The following SLC24A2 variants were observed in gnomAD, a reference collection of about 807,000 sequenced individuals.
SLC24A2 encodes the protein solute carrier family 24 member 2, also known as sodium/potassium/calcium exchanger 2.
Under a neutral mutation model 62.0 loss-of-function variants are expected in SLC24A2, and 36 were observed. The observed-to-expected ratio is 0.58, with a 90% CI of 0.44 to 0.77. The LOEUF (loss-of-function observed/expected upper bound fraction) is 0.77, where lower values mean the gene tolerates loss of function less well. Among genes scored for constraint, SLC24A2 ranks in the 30% least tolerant of loss-of-function variants. The probability of loss-of-function intolerance (pLI) is 0.00; values close to 1 mark genes in which losing one functional copy is unlikely to be tolerated. For synonymous variants in SLC24A2, 358 were observed against 294.0 expected, an observed-to-expected ratio of 1.22 and a Z score of -2.23; for missense variants, 846 against 817.9, an observed-to-expected ratio of 1.03 and a Z score of -0.42.
the SLC24A2 span, among the ~76,000 whole-genome samples, chr9:19,913,864 C>A: frequency 2.0e-5 from 3 of 151,928 alleles, no homozygotes; most frequent in Non-Finnish European, 4.4e-5. Context: ...TCAATCCATA[C>A]TTAATTCTTT....
the SLC24A2 span, among the ~76,000 whole-genome samples, chr9:20,061,907 G>C: frequency 2.2e-4 from 33 of 152,164 alleles, no homozygotes; most frequent in Non-Finnish European, 3.1e-4. Context: ...CCACGGAGTG[G>C]ATGAAAATAT....
chr9:20,243,934 G>T, the SLC24A2 span, among the ~76,000 whole-genome samples: 2 of 151,858 alleles, frequency 1.3e-5, no homozygotes, highest in African/African-American at 4.8e-5. Context: ...ATAGAAGGAG[G>T]GACCTCGAGA....
the SLC24A2 span, among the ~76,000 whole-genome samples, chr9:20,081,060 G>A: frequency 2.0e-5 from 3 of 152,244 alleles, no homozygotes; most frequent in African/African-American, 7.2e-5. Flanking sequence ...CATTGTGGAA[G>A]TCAGTGTGGC....
the SLC24A2 span, among the ~76,000 whole-genome samples, chr9:20,213,869 T>C: frequency 6.6e-6 from 1 of 152,196 alleles, no homozygotes; most frequent in Admixed American, 6.5e-5. Flanking sequence ...ACATACAACA[T>C]TGTAAGATAG....
the SLC24A2 span, among the ~76,000 whole-genome samples, chr9:19,815,510 C>A: frequency 1.3e-5 from 2 of 152,042 alleles, no homozygotes; most frequent in Admixed American, 6.6e-5. Context: ...TGCTCATATC[C>A]TTTTTTTCCT....
chr9:20,124,233 G>T, the SLC24A2 span, among the ~76,000 whole-genome samples: 1 of 151,910 alleles, frequency 6.6e-6, no homozygotes, highest in Non-Finnish European at 1.5e-5. Flanking sequence ...TAGACAGGAG[G>T]ATATGGTGTT....
the SLC24A2 span, among the ~76,000 whole-genome samples, chr9:20,275,167 G>A: frequency 6.6e-6 from 1 of 152,174 alleles, no homozygotes; most frequent in Admixed American, 6.5e-5. Context: ...GGGGCCTGAA[G>A]CTAAAAGTAA....
At chr9:19,564,549 TGTCTATCA>T (rs887494270) in intron 7 of SLC24A2, among the ~76,000 whole-genome samples, 6 of 65,536 alleles carry the variant, frequency 9.2e-5, no homozygotes, top group Non-Finnish European at 2.0e-4. Flanking sequence ...TGTATCTATC[TGTCTATCA>T]ATCAATCACA....
At chr9:19,618,909 G>A (rs761851122) in intron 4 of SLC24A2, among the ~76,000 whole-genome samples, 2 of 152,204 alleles carry the variant, frequency 1.3e-5, no homozygotes, top group African/African-American at 2.4e-5. Context: ...TTATGCAGCT[G>A]AAGAAACACA....
rs146406899 is a variant in SLC24A2, at chr9:19,773,578, C to T, written c.930+12359G>A. On this transcript the variant is annotated intron_variant, in intron 2 of 10. Coordinates refer to ENST00000341998, the MANE Select transcript of SLC24A2 (RefSeq NM_020344.4). The stretch of plus-strand genomic sequence containing the variant: ...ATTTTATGACTGATTCAGGCTCAGA[C>T]TTTTTATCATGAACACTCATCATCA... 1.1e-3 allele frequency among the ~76,000 whole-genome samples: 172 copies of T among 152,264 alleles called. 3 individuals are homozygous for T. The East Asian group carries it at 0.031, about 27-fold the overall frequency.
the SLC24A2 span, among the ~76,000 whole-genome samples, chr9:19,959,922 A>G: frequency 3.3e-5 from 5 of 152,246 alleles, no homozygotes; most frequent in African/African-American, 1.2e-4. Flanking sequence ...AAAAGTTTAT[A>G]CACCTAGTAA....
chr9:19,579,841 C>T (rs1027756474), intron 5 of SLC24A2, among the ~76,000 whole-genome samples: 1 of 152,000 alleles, frequency 6.6e-6, no homozygotes, highest in African/African-American at 2.4e-5. Flanking sequence ...TAAAAGGGAC[C>T]CAAAAGCCTG....
At chr9:19,584,690 G>A (rs925231778) in intron 5 of SLC24A2, among the ~76,000 whole-genome samples, 2 of 151,858 alleles carry the variant, frequency 1.3e-5, no homozygotes, top group African/African-American at 2.4e-5. Context: ...AGTTACATAT[G>A]TATACATGTG....
At chr9:20,274,481 G>C in the SLC24A2 span, among the ~76,000 whole-genome samples, 1 of 152,140 alleles carries the variant, frequency 6.6e-6, no homozygotes, top group African/African-American at 2.4e-5. Context: ...GCTGGATTGA[G>C]AATTAACTTT....
At chr9:20,113,768 C>T in the SLC24A2 span, among the ~76,000 whole-genome samples, 1 of 152,116 alleles carries the variant, frequency 6.6e-6, no homozygotes, top group Non-Finnish European at 1.5e-5. Flanking sequence ...AACTATAATG[C>T]TTTGATGAAT....
At chr9:19,716,262 T>C (rs1455296657) in intron 2 of SLC24A2, among the ~76,000 whole-genome samples, 1 of 152,236 alleles carries the variant, frequency 6.6e-6, no homozygotes, top group East Asian at 1.9e-4. Flanking sequence ...CACAGTATTC[T>C]ACAGTCAAAA....
At chr9:20,042,647 C>T in the SLC24A2 span, among the ~76,000 whole-genome samples, 6 of 152,172 alleles carry the variant, frequency 3.9e-5, no homozygotes, top group African/African-American at 1.4e-4. Context: ...TGCAGGCATA[C>T]CTCCTTTTAT....
intron 8 of SLC24A2, among the ~76,000 whole-genome samples, chr9:19,542,143 GA>G (rs762869707): frequency 2.0e-5 from 3 of 152,304 alleles, no homozygotes; most frequent in Middle Eastern, 6.8e-3. Flanking sequence ...ACCTCAGATG[GA>G]AATGCAGAAA....
At chr9:19,916,956 A>G in the SLC24A2 span, among the ~76,000 whole-genome samples, 1 of 117,156 alleles carries the variant, frequency 8.5e-6, no homozygotes, top group African/African-American at 3.2e-5. Context: ...CAAGTTCTTT[A>G]TGTATAGGTG....
Sources: allele counts gnomAD v4.1 joint callset (sites outside exome capture counted in the v4.1 genomes callset), GRCh38; gene constraint gnomAD v4.1.1; transcripts MANE v1.5; gene names NCBI Gene and HGNC (gene_info 2026-07-23, HGNC 2026-07-21).